Variants in MAST4 observed in about 807,000 individuals in gnomAD.
MAST4 encodes the protein microtubule associated serine/threonine kinase family member 4, also known as microtubule-associated serine/threonine-protein kinase 4.
A neutral mutation model predicts 162.7 loss-of-function variants in MAST4; 89 were observed. The observed-to-expected ratio is 0.55, with a 90% CI of 0.46 to 0.65. MAST4 has a LOEUF of 0.65. Ranked by LOEUF, MAST4 falls within the 30% of genes least tolerant of loss-of-function variation. MAST4 has a pLI of 0.00. For missense variants in MAST4, 3,153 were observed against 3,374.0 expected (o/e 0.93, Z 1.62); for synonymous variants, 1,479 against 1,361.1 (o/e 1.09, Z -1.91).
chr5:66,791,299 C>T (rs1376123443), intron 3 of MAST4, among the ~76,000 whole-genome samples: 1 of 152,230 alleles, frequency 6.6e-6, no homozygotes, highest in East Asian at 1.9e-4. Context: ...GCTGGGATTA[C>T]AGGCATTAGC....
At chr5:66,788,607 C>CCCACCA in intron 2 of MAST4, 63 bp from the exon 3 acceptor site, 6 of 1,373,704 alleles carry the variant, frequency 4.4e-6, no homozygotes, top group Non-Finnish European at 6.1e-6. Flanking sequence ...CCCCCACCCC[C>CCCACCA]ATTGCAATAA....
At chr5:66,920,154 G>A (rs1764436613) in intron 4 of MAST4, among the ~76,000 whole-genome samples, 2 of 152,096 alleles carry the variant, frequency 1.3e-5, no homozygotes, top group Non-Finnish European at 2.9e-5. Flanking sequence ...AAAGCCAAGA[G>A]TCAATCGTGA....
Position 67,163,927 on chromosome 5 carries a change from G to A in MAST4, c.4748G>A (p.Arg1583Lys). Residue 1583 changes from arginine (R) to lysine (K), a missense_variant, in exon 29 of 29, where the codon AGG (arginine) becomes AAG (lysine). Physicochemically the swap from Arg to Lys is conservative, Grantham distance 26 (BLOSUM62 2). Coordinates refer to ENST00000403625, the MANE Select transcript of MAST4 (RefSeq NM_001164664.2). This position sits in a 1 kb window ranked among gnomAD's most constrained non-coding sequence, Gnocchi z 7.0. ...EKKVYPKAVE[R>K]SSTFENKASM... Reference sequence around the variant, plus strand: ...AAAGTCTATCCGAAGGCTGTGGAAAGGTCAAGTACTTTTGAAAACAAAGCG... The same window carrying A: ...AAAGTCTATCCGAAGGCTGTGGAAAAGTCAAGTACTTTTGAAAACAAAGCG... 1 of 1,613,930 alleles carries A rather than the reference G, an allele frequency of 6.2e-7. No homozygotes were observed. Among genetic ancestry groups the A allele is most frequent in the Non-Finnish European group, 8.5e-7 (1 of 1,179,866 alleles).
chr5:67,062,230 T>C (rs534752276), intron 5 of MAST4, among the ~76,000 whole-genome samples: 1 of 152,086 alleles, frequency 6.6e-6, no homozygotes, highest in African/African-American at 2.4e-5. Flanking sequence ...TGAAACCATC[T>C]TTACTAAAAA....
chr5:66,628,337 T>C (rs1156904615), intron 1 of MAST4, among the ~76,000 whole-genome samples: 1 of 136,056 alleles, frequency 7.3e-6, no homozygotes, highest in East Asian at 2.0e-4. Context: ...CCTGACTTTT[T>C]TTCTTTTTTT....
At chr5:66,627,033 T>A (rs1356234559) in intron 1 of MAST4, among the ~76,000 whole-genome samples, 1 of 151,914 alleles carries the variant, frequency 6.6e-6, no homozygotes, top group Non-Finnish European at 1.5e-5. Flanking sequence ...TTTGTTCTAA[T>A]GCTGCTAATA....
At chr5:66,714,972 G>A (rs1750727890) in intron 1 of MAST4, among the ~76,000 whole-genome samples, 1 of 152,204 alleles carries the variant, frequency 6.6e-6, no homozygotes, top group Non-Finnish European at 1.5e-5. Context: ...CTGGCAGACT[G>A]GTCTTTGATG....
chr5:66,829,130 G>A (rs1757426259), intron 3 of MAST4, among the ~76,000 whole-genome samples: 2 of 151,734 alleles, frequency 1.3e-5, no homozygotes, highest in Non-Finnish European at 2.9e-5. Flanking sequence ...TTTTTCTACT[G>A]GTTATTCAAG....
At chr5:66,701,008 C>T (rs1749742946) in intron 1 of MAST4, among the ~76,000 whole-genome samples, 1 of 151,844 alleles carries the variant, frequency 6.6e-6, no homozygotes, top group Admixed American at 6.6e-5. Flanking sequence ...ATTATAAGTG[C>T]TATTTACATT....
chr5:67,093,221 T>A (rs1451056357), intron 6 of MAST4, among the ~76,000 whole-genome samples: 1 of 152,210 alleles, frequency 6.6e-6, no homozygotes, highest in African/African-American at 2.4e-5. Context: ...TGTTTTTCCC[T>A]TCTTACTTTT....
chr5:66,949,672 C>T (rs906089778), intron 4 of MAST4, among the ~76,000 whole-genome samples: 2 of 152,086 alleles, frequency 1.3e-5, no homozygotes, highest in African/African-American at 4.8e-5. Flanking sequence ...TAAAAATTAT[C>T]CCTTTAAGAT....
At chr5:67,034,414 T>A (rs1164576701) in intron 4 of MAST4, among the ~76,000 whole-genome samples, 1 of 152,136 alleles carries the variant, frequency 6.6e-6, no homozygotes, top group Non-Finnish European at 1.5e-5. Flanking sequence ...TACGTAACAA[T>A]GATTTCAAAC....
rs189637328 is a variant in MAST4, at chr5:67,055,897, G to A, written c.763+1405G>A. On this transcript the variant is annotated intron_variant, in intron 5 of 28. Transcript: ENST00000403625. ...GAACACTACTCAGATTTGCGTGGATGAAACTCAAATATATTGTTGGACAAC... is the reference window on the plus strand; with the variant it reads ...GAACACTACTCAGATTTGCGTGGATAAAACTCAAATATATTGTTGGACAAC... 3.4e-3 allele frequency among the ~76,000 whole-genome samples: 518 copies of A among 151,988 alleles called. 2 individuals are homozygous for A. Among genetic ancestry groups the A allele is most frequent in the African/African-American group, 0.012 (491 of 41,484 alleles).
Position 67,166,197 on chromosome 5 carries a change from A to G in MAST4, c.7018A>G (p.Lys2340Glu), listed in dbSNP as rs1380205249. 1 of 1,553,486 alleles carries G rather than the reference A, an allele frequency of 6.4e-7. No individual in the cohort carries two copies. The highest frequency in any genetic ancestry group is 1.4e-5 in the African/African-American group (1 of 73,134). Reference sequence around the variant, plus strand: ...AAAGCACCCCAAACCATCCACTGTGAAAGATTGCCCCACCCTGTGCAAACA... The same window carrying G: ...AAAGCACCCCAAACCATCCACTGTGGAAGATTGCCCCACCCTGTGCAAACA... ...SPKHPKPSTVKDCPTLCKQTD... is the reference protein window; with the variant it reads ...SPKHPKPSTVEDCPTLCKQTD... Residue 2340 changes from lysine (K) to glutamate (E), a missense_variant, in exon 29 of 29, where the codon AAA becomes GAA. This residue lies in a region of MAST4 where 1,644 missense variants were observed against 1,495.0 expected (regional missense o/e 1.10). Coordinates refer to ENST00000403625, the MANE Select transcript of MAST4 (RefSeq NM_001164664.2).
Position 67,164,698 on chromosome 5 carries a change from C to T in MAST4, c.5519C>T (p.Pro1840Leu). The T allele has an allele frequency of 3.7e-6, 6 of 1,613,952 alleles. No individual in the cohort carries two copies. Among genetic ancestry groups the T allele is most frequent in the African/African-American group, 2.7e-5 (2 of 75,020 alleles). The change falls in exon 29 of 29, where the codon CCA (proline) becomes CTA (leucine). Residue 1840 changes from proline (P) to leucine (L), a missense_variant. Pro to Leu is a moderately conservative substitution (Grantham distance 98). Around this residue, in one of 7 missense-constraint regions of MAST4, gnomAD observed 1,644 missense variants for 1,495.0 expected, o/e 1.10. Coordinates refer to ENST00000403625, the MANE Select transcript of MAST4 (RefSeq NM_001164664.2). This position sits in a 1 kb window ranked among gnomAD's most constrained non-coding sequence, Gnocchi z 5.3. ...AGTGGTGACGTGAGGGCCTCTGTGC[C>T]ACCAGTTCTCCCCAGCAGCAGTGGG... ...SPSGDVRASV[P>L]PVLPSSSGKK...
chr5:66,753,632 C>G (rs1753333214), intron 1 of MAST4, among the ~76,000 whole-genome samples: 1 of 151,624 alleles, frequency 6.6e-6, no homozygotes, highest in Non-Finnish European at 1.5e-5. Context: ...AGACCAATAA[C>G]AGGCTCTGAA....
intron 4 of MAST4, among the ~76,000 whole-genome samples, chr5:67,032,593 A>G (rs1392559478): frequency 6.6e-6 from 1 of 152,116 alleles, no homozygotes; most frequent in Non-Finnish European, 1.5e-5. Context: ...ATTATTTTAC[A>G]TCAAGAACAA....
At chr5:66,597,155 C>T (rs1189330796) in intron 1 of MAST4, 137 bp downstream of exon 1, 1 of 1,149,664 alleles carries the variant, frequency 8.7e-7, no homozygotes, top group Non-Finnish European at 1.1e-6. Context: ...CTGCCCCGAG[C>T]ACGGGACAAC....
chr5:66,918,104 C>T (rs1764238469), intron 4 of MAST4, among the ~76,000 whole-genome samples: 1 of 152,064 alleles, frequency 6.6e-6, no homozygotes, highest in African/African-American at 2.4e-5. Context: ...TTTACTTTAT[C>T]TCTGTGATAA....
Sources: allele counts gnomAD v4.1 joint callset (sites outside exome capture counted in the v4.1 genomes callset), GRCh38; gene constraint gnomAD v4.1.1; regional missense constraint gnomAD v4.1.1; non-coding constraint Gnocchi (gnomAD v3.1); transcripts MANE v1.5; gene names NCBI Gene and HGNC (gene_info 2026-07-23, HGNC 2026-07-21).